The following CHD1L variants were observed in gnomAD, a reference collection of about 807,000 sequenced individuals.
CHD1L encodes the protein chromodomain helicase DNA binding protein 1 like, also known as ATP-dependent chromatin remodeler CHD1L.
Under a neutral mutation model 115.9 loss-of-function variants are expected in CHD1L, and 118 were observed. The ratio of observed to expected loss-of-function variants is 1.02; its 90% CI spans 0.88 to 1.19. The LOEUF is 1.19. Ranked by LOEUF, CHD1L falls within the 50% of genes most tolerant of loss-of-function variation. The probability of loss-of-function intolerance (pLI) is 0.00; values close to 1 mark genes in which losing one functional copy is unlikely to be tolerated. For missense variants in CHD1L, 1,179 were observed against 1,065.3 expected, an observed-to-expected ratio of 1.11 and a Z score of -1.49; for synonymous variants, 411 against 387.1, an observed-to-expected ratio of 1.06 and a Z score of -0.72.
the CHD1L span, chr1:147,209,876 T>C: frequency 6.6e-6 from 1 of 152,230 alleles, no homozygotes; most frequent in Non-Finnish European, 1.5e-5. Context: ...TTGACATTGT[T>C]GGCATTATTA....
At chr1:147,206,870 A>T in the CHD1L span, among the ~76,000 whole-genome samples, 1 of 152,174 alleles carries the variant, frequency 6.6e-6, no homozygotes, top group Non-Finnish European at 1.5e-5. Context: ...CCAACATGGC[A>T]CATATATACA....
intron 18 of CHD1L, among the ~76,000 whole-genome samples, chr1:147,287,117 C>T (rs1392399247): frequency 1.3e-5 from 2 of 152,172 alleles, no homozygotes; most frequent in South Asian, 2.1e-4. Context: ...TTTTCTTGTT[C>T]GCTGCTGTGA....
the CHD1L span, chr1:147,225,348 G>T: frequency 3.0e-6 from 1 of 328,430 alleles, no homozygotes; most frequent in Non-Finnish European, 5.5e-6. Flanking sequence ...TCAACAGGCG[G>T]CTGTTGTCAA....
intron 6 of CHD1L, chr1:147,260,179 A>G: frequency 3.3e-6 from 1 of 298,992 alleles, no homozygotes; most frequent in Non-Finnish European, 6.4e-6. Context: ...CAAAGTCCAT[A>G]GTTTACATTC....
Position 147,291,481 on chromosome 1 carries a change from G to T in CHD1L, c.2321-1G>T. The T allele has an allele frequency of 6.2e-7, 1 of 1,613,374 alleles. No individual in the cohort carries two copies. Among genetic ancestry groups the T allele is most frequent in the South Asian group, 1.1e-5 (1 of 91,056 alleles). ...TGTTGCTCCTTTCTGTTTTACCTCA[G>T]ACCTGAGTTTGGGAGGTGTCCTTTT... is the stretch of plus-strand genomic sequence containing the variant. On this transcript the variant is annotated splice_acceptor_variant, in intron 19 of 22. Transcript: ENST00000369258. LOFTEE classifies it high-confidence loss of function.
At position 147,295,447 on chromosome 1, in the gene CHD1L, A is replaced by G. The variant is rs201834043; in HGVS notation, c.2632A>G (p.Ser878Gly). ...IPTYIYYFPRSKSAVLHSQSS... is the reference protein window; with the variant it reads ...IPTYIYYFPRGKSAVLHSQSS... Reference sequence around the variant, plus strand: ...CCTTATCAGATATTATTTTCCTAGAAGCAAGTCTGCTGTCCTTCATTCACA... The same window carrying G: ...CCTTATCAGATATTATTTTCCTAGAGGCAAGTCTGCTGTCCTTCATTCACA... Residue 878 changes from serine (S) to glycine (G), a missense_variant, in exon 23 of 23, where the codon AGC becomes GGC. Ser to Gly is a moderately conservative substitution (Grantham distance 56). Coordinates refer to ENST00000369258, the MANE Select transcript of CHD1L (RefSeq NM_004284.6). The G allele has an allele frequency of 6.2e-7, 1 of 1,610,782 alleles. No individual in the cohort carries two copies. The highest frequency in any genetic ancestry group is 2.2e-5 in the East Asian group (1 of 44,858).
At position 147,275,412 on chromosome 1, in the gene CHD1L, T is replaced by C. The variant is rs967102377; in HGVS notation, c.1329T>C (p.Phe443=). ...CTGTGATTTTTGTTGACAGTGACTT[T>C]AATCCTCAGAATGACTTGCAAGCAG... ...ADTVIFVDSD[F]NPQNDLQAAA... Residue 443 remains phenylalanine, a synonymous_variant, in exon 13 of 23, where the codon TTT becomes TTC. Transcript: ENST00000369258. 1 of 1,614,174 alleles carries C rather than the reference T, an allele frequency of 6.2e-7. No homozygotes were observed. Among genetic ancestry groups the C allele is most frequent in the Non-Finnish European group, 8.5e-7 (1 of 1,180,002 alleles).
chr1:147,269,117 C>G (rs1675132321), intron 10 of CHD1L, among the ~76,000 whole-genome samples: 1 of 152,166 alleles, frequency 6.6e-6, no homozygotes, highest in Non-Finnish European at 1.5e-5. Context: ...CAGCACTTGG[C>G]AATGTGCTGC....
upstream of CHD1L, among the ~76,000 whole-genome samples, chr1:147,239,766 T>A (rs1664712108): frequency 6.6e-6 from 1 of 152,230 alleles, no homozygotes; most frequent in Admixed American, 6.5e-5. Context: ...GACTCTATCA[T>A]CTGGTATTCT....
At chr1:147,252,775 G>A (rs782099797) in intron 2 of CHD1L, 40 bp downstream of exon 2, 7 of 1,448,022 alleles carry the variant, frequency 4.8e-6, no homozygotes, top group African/African-American at 2.8e-5. Flanking sequence ...CCGCCACTGC[G>A]ATACTTCCTT....
chr1:147,287,344 G>A (rs186407096), intron 18 of CHD1L, among the ~76,000 whole-genome samples: 3 of 152,136 alleles, frequency 2.0e-5, no homozygotes, highest in East Asian at 3.9e-4. Context: ...TCTACTCTCC[G>A]TCCTTCCGCA....
At chr1:147,195,398 G>A in the CHD1L span, among the ~76,000 whole-genome samples, 1 of 152,118 alleles carries the variant, frequency 6.6e-6, no homozygotes, top group South Asian at 2.1e-4. Context: ...ATCCCAAGGT[G>A]CTGGGATTAC....
chr1:147,235,111 G>GTGTGTGTA, the CHD1L span, among the ~76,000 whole-genome samples: 1 of 151,938 alleles, frequency 6.6e-6, no homozygotes, highest in Middle Eastern at 3.2e-3. Flanking sequence ...GTGTGTGTGT[G>GTGTGTGTA]TGTGTGTGTG....
the CHD1L span, chr1:147,179,606 G>A: frequency 6.4e-7 from 1 of 1,571,148 alleles, no homozygotes; most frequent in Non-Finnish European, 8.7e-7. Flanking sequence ...CCAAGAAGAA[G>A]AAGGCACAGG....
chr1:147,224,600 C>G, the CHD1L span, among the ~76,000 whole-genome samples: 1 of 152,058 alleles, frequency 6.6e-6, no homozygotes, highest in African/African-American at 2.4e-5. Flanking sequence ...AGCTCTGCCT[C>G]CCAAGTTCAC....
In CHD1L at chr1:147,243,005, G is replaced by A. The variant is rs966101682; in HGVS notation, c.127+175G>A. 2.3e-5 allele frequency: 18 copies of A among 779,174 alleles called. No homozygotes were observed. The South Asian group carries it at 5.4e-4, about 23-fold the overall frequency. The allele number at this position is 779,174 out of a possible 1,614,324, so 48.3% of individuals were successfully genotyped here. ...AACTGCGCCCGGGCTTGGTGGCCAC[G>A]GCCCCCGCCTGCGCGGCGCGCGGGG... On this transcript the variant is annotated intron_variant, in intron 1 of 22. Coordinates refer to ENST00000369258, the MANE Select transcript of CHD1L (RefSeq NM_004284.6).
At chr1:147,275,075 G>A (rs997186666) in intron 12 of CHD1L, among the ~76,000 whole-genome samples, 7 of 152,266 alleles carry the variant, frequency 4.6e-5, no homozygotes, top group Middle Eastern at 3.4e-3. Context: ...GTGGCTCCAT[G>A]GCACTGACTT....
At chr1:147,203,163 G>A in the CHD1L span, 3 of 527,686 alleles carry the variant, frequency 5.7e-6, no homozygotes, top group Admixed American at 3.6e-5. Context: ...ATCCAGCCAA[G>A]AATACAAACA....
chr1:147,239,528 C>T (rs1420044797), upstream of CHD1L, among the ~76,000 whole-genome samples: 1 of 152,312 alleles, frequency 6.6e-6, no homozygotes, highest in South Asian at 2.1e-4. Context: ...TCCACTATCA[C>T]CATGCTGGCC....
Sources: allele counts gnomAD v4.1 joint callset (sites outside exome capture counted in the v4.1 genomes callset), GRCh38; gene constraint gnomAD v4.1.1; transcripts MANE v1.5; gene names NCBI Gene and HGNC (gene_info 2026-07-23, HGNC 2026-07-21).